The following UIMC1 variants were observed in gnomAD, a reference collection of about 807,000 sequenced individuals.
The protein encoded by UIMC1 is ubiquitin interaction motif containing 1.
A neutral mutation model predicts 84.9 loss-of-function variants in UIMC1; 42 were observed. The observed-to-expected ratio is 0.49, with a 90% CI of 0.39 to 0.64. The LOEUF (loss-of-function observed/expected upper bound fraction) is 0.64. Ranked by LOEUF, UIMC1 falls within the 30% of genes least tolerant of loss-of-function variation. The pLI is 0.00. For synonymous variants in UIMC1, 281 were observed against 293.0 expected (o/e 0.96, Z 0.42); for missense variants, 825 against 847.6 (o/e 0.97, Z 0.33).
intron 1 of UIMC1, among the ~76,000 whole-genome samples, chr5:176,986,595 T>G (rs1194540658): frequency 1.1e-4 from 17 of 148,984 alleles, no homozygotes; most frequent in Non-Finnish European, 1.5e-5. Flanking sequence ...ATCCCAGTAT[T>G]TTGGGAGACC....
intron 8 of UIMC1, among the ~76,000 whole-genome samples, chr5:176,953,929 T>TTA (rs752124427): frequency 4.7e-4 from 71 of 152,204 alleles, no homozygotes; most frequent in Non-Finnish European, 9.0e-4. Flanking sequence ...TTCAGATAAT[T>TTA]TATATATATA....
chr5:176,964,567 T>C lies in UIMC1; in HGVS notation c.1200+3988A>G, dbSNP rs1474557391. ...TGTTTAAAATATTATGGTAAATTCA[T>C]AAACTGGAATATAATATAGCCATTA... On this transcript the variant is annotated intron_variant, in intron 6 of 14. Transcript: ENST00000511320. Among the ~76,000 whole-genome samples, 7 of 152,162 alleles carry C rather than the reference T, an allele frequency of 4.6e-5. No homozygotes were observed. In the East Asian group the frequency reaches 9.6e-4, roughly 21 times the overall value.
intron 1 of UIMC1, among the ~76,000 whole-genome samples, chr5:176,987,199 C>A (rs751188859): frequency 2.0e-5 from 3 of 151,898 alleles, no homozygotes; most frequent in African/African-American, 7.3e-5. Flanking sequence ...CCAGCCTGGG[C>A]GACAAGAGCG....
At chr5:176,912,826 C>T (rs1760430211) in intron 10 of UIMC1, among the ~76,000 whole-genome samples, 1 of 152,104 alleles carries the variant, frequency 6.6e-6, no homozygotes, top group African/African-American at 2.4e-5. Flanking sequence ...GCCACGACGC[C>T]CAGCTAATTT....
intron 7 of UIMC1, 106 bp from the exon 8 acceptor site, chr5:176,956,141 T>C (rs1766570118): frequency 4.9e-6 from 5 of 1,023,420 alleles, no homozygotes; most frequent in African/African-American, 1.6e-5. Context: ...TCACAGATAC[T>C]TGCTGCCTAA....
intron 10 of UIMC1, among the ~76,000 whole-genome samples, chr5:176,937,181 C>T (rs1763811885): frequency 6.6e-6 from 1 of 152,204 alleles, no homozygotes; most frequent in Non-Finnish European, 1.5e-5. Context: ...TCAATCTTCT[C>T]CCCTCAAACA....
At chr5:176,982,670 T>C in intron 1 of UIMC1, 47 bp from the exon 2 acceptor site, 1 of 1,555,240 alleles carries the variant, frequency 6.4e-7, no homozygotes, top group Non-Finnish European at 8.7e-7. Context: ...AAGATCATAA[T>C]TTACTTAAAG....
At chr5:176,996,120 A>G (rs1773575105) in intron 1 of UIMC1, among the ~76,000 whole-genome samples, 1 of 152,164 alleles carries the variant, frequency 6.6e-6, no homozygotes, top group South Asian at 2.1e-4. Flanking sequence ...AAACGGAACA[A>G]ACTACTGATG....
At position 176,983,522 on chromosome 5, in the gene UIMC1, C is replaced by T. The variant is rs190752932; in HGVS notation, c.-8-899G>A. 5.0e-4 allele frequency among the ~76,000 whole-genome samples: 76 copies of T among 152,256 alleles called. No homozygotes were observed. In the East Asian group the frequency reaches 0.012, roughly 24 times the overall value. ...GGTGCTGGGATTGCAGACGGAGTCT[C>T]GCTCACTCAATGCTCAATGTTGCCC... On this transcript the variant is annotated intron_variant, in intron 1 of 14. Transcript: ENST00000511320.
chr5:176,914,039 CACCAT>C (rs79787456), intron 10 of UIMC1, among the ~76,000 whole-genome samples: 34 of 139,980 alleles, frequency 2.4e-4, no homozygotes, highest in Non-Finnish European at 3.9e-4. Flanking sequence ...CCATACCATA[CACCAT>C]ACCATACCAT....
chr5:176,963,810 T>C (rs1012176493), intron 6 of UIMC1, among the ~76,000 whole-genome samples: 4 of 151,726 alleles, frequency 2.6e-5, no homozygotes, highest in African/African-American at 9.7e-5. Context: ...CAAATCAAAG[T>C]CAGTTCTCAC....
chr5:176,976,596 GA>G (rs1297761660), intron 2 of UIMC1, among the ~76,000 whole-genome samples: 2 of 151,904 alleles, frequency 1.3e-5, no homozygotes, highest in Non-Finnish European at 2.9e-5. Context: ...CCCCACTGTG[GA>G]AAAAAAAGAA....
rs994404834 is a variant in UIMC1, at chr5:176,998,910, C to T, written c.-9+7740G>A. 9.9e-5 allele frequency among the ~76,000 whole-genome samples: 15 copies of T among 152,246 alleles called. 1 individual carries two copies. In the East Asian group the frequency reaches 2.5e-3, roughly 25 times the overall value. The stretch of plus-strand genomic sequence containing the variant: ...TTATAATTTAAAAATAATGCTCAGG[C>T]TGGGTGCAGTGTCTCACGCCTGTAA... On this transcript the variant is annotated intron_variant, in intron 1 of 14. Coordinates refer to ENST00000511320, the MANE Select transcript of UIMC1 (RefSeq NM_001199298.2).
At chr5:176,991,792 C>T (rs1462901603) in intron 1 of UIMC1, among the ~76,000 whole-genome samples, 1 of 151,848 alleles carries the variant, frequency 6.6e-6, no homozygotes, top group Non-Finnish European at 1.5e-5. Flanking sequence ...ATTCGCCGGG[C>T]GTGGTGGCAG....
At chr5:176,905,765 G>A in intron 14 of UIMC1, 1 of 625,204 alleles carries the variant, frequency 1.6e-6, no homozygotes. Context: ...GTTGGATGGG[G>A]ATAGAGAGGT....
intron 10 of UIMC1, among the ~76,000 whole-genome samples, chr5:176,942,161 T>C (rs954504403): frequency 1.3e-5 from 2 of 152,122 alleles, no homozygotes; most frequent in Non-Finnish European, 2.9e-5. Flanking sequence ...CTTAAAGAGA[T>C]AAACCAACAG....
At chr5:177,000,095 A>C (rs2149536869) in intron 1 of UIMC1, among the ~76,000 whole-genome samples, 2 of 152,126 alleles carry the variant, frequency 1.3e-5, no homozygotes, top group Middle Eastern at 6.8e-3. Flanking sequence ...AGTAGCTGGG[A>C]TACAGGCGCC....
intron 1 of UIMC1, among the ~76,000 whole-genome samples, chr5:177,016,255 T>TC (rs1462517683): frequency 6.6e-6 from 1 of 151,884 alleles, no homozygotes; most frequent in Non-Finnish European, 1.5e-5. Flanking sequence ...TCCCAGCTAC[T>TC]CAGGAGGTTG....
At chr5:177,000,893 T>C (rs563411126) in intron 1 of UIMC1, among the ~76,000 whole-genome samples, 39 of 152,334 alleles carry the variant, frequency 2.6e-4, no homozygotes, top group South Asian at 1.0e-3. Flanking sequence ...TTGAGTTCCT[T>C]ATACATTCCG....
Sources: gnomAD v4.1 joint callset for allele counts (sites outside exome capture counted in the v4.1 genomes callset) on GRCh38, gnomAD v4.1.1 for gene constraint, MANE v1.5 for transcripts, NCBI Gene and HGNC (gene_info 2026-07-23, HGNC 2026-07-21) for gene names.